AUH: variants seen among roughly 807,000 people sequenced by gnomAD.
The protein encoded by AUH is methylglutaconyl-CoA hydratase, mitochondrial.
A neutral mutation model predicts 42.3 loss-of-function variants in AUH; 29 were observed. The observed-to-expected ratio is 0.69, with a 90% CI of 0.51 to 0.93. The LOEUF is 0.93. AUH is among the 40% of genes least tolerant of loss of function. The pLI is 0.00. For missense variants in AUH, 452 were observed against 438.1 expected (o/e 1.03, Z -0.28); for synonymous variants, 174 against 166.4 (o/e 1.05, Z -0.35).
At chr9:91,361,578 G>A (rs917756843) in intron 1 of AUH, 50 bp downstream of exon 1, 5 of 1,550,908 alleles carry the variant, frequency 3.2e-6, no homozygotes, top group African/African-American at 2.8e-5. Context: ...CCCGTCCTGA[G>A]AGCGAGCGGC....
chr9:91,334,195 G>A (rs369752563), intron 3 of AUH, among the ~76,000 whole-genome samples: 2 of 152,134 alleles, frequency 1.3e-5, no homozygotes, highest in African/African-American at 2.4e-5. Context: ...TCCAGTACAC[G>A]GCATTGTCAT....
intron 6 of AUH, among the ~76,000 whole-genome samples, chr9:91,274,347 C>CA (rs1825384287): frequency 2.6e-5 from 4 of 152,300 alleles, no homozygotes; most frequent in African/African-American, 9.6e-5. Context: ...TACTGGCACT[C>CA]AGAGTGTTAT....
chr9:91,343,895 C>T (rs1831290351), intron 3 of AUH, among the ~76,000 whole-genome samples: 1 of 152,166 alleles, frequency 6.6e-6, no homozygotes, highest in African/African-American at 2.4e-5. Flanking sequence ...CCAAAACTCA[C>T]TCAAAAAGAA....
At chr9:91,276,772 C>G (rs1186309512) in intron 6 of AUH, among the ~76,000 whole-genome samples, 1 of 152,132 alleles carries the variant, frequency 6.6e-6, no homozygotes, top group Non-Finnish European at 1.5e-5. Context: ...TGGCAAGACT[C>G]AAGAACAATA....
chr9:91,333,735 G>C (rs569785537), intron 3 of AUH, among the ~76,000 whole-genome samples: 7 of 152,142 alleles, frequency 4.6e-5, no homozygotes, highest in Non-Finnish European at 7.4e-5. Context: ...AAATCACATC[G>C]TAATCAAGAA....
chr9:91,264,961 G>C (rs898609481), intron 6 of AUH, among the ~76,000 whole-genome samples: 1 of 152,146 alleles, frequency 6.6e-6, no homozygotes, highest in Non-Finnish European at 1.5e-5. Context: ...TGTTGCTGAT[G>C]AAACAACTGA....
chr9:91,325,384 C>A lies in AUH; in HGVS notation c.439G>T (p.Ala147Ser). The A allele has an allele frequency of 6.2e-7, 1 of 1,613,856 alleles. No homozygotes were observed. The highest frequency in any genetic ancestry group is 8.5e-7 in the Non-Finnish European group (1 of 1,179,856). The change falls in exon 4 of 10, where the codon GCC (alanine) becomes TCC (serine). Residue 147 changes from alanine (A) to serine (S), a missense_variant. Physicochemically the swap from Ala to Ser is moderately conservative, Grantham distance 99 (BLOSUM62 1). Coordinates refer to ENST00000375731, the MANE Select transcript of AUH (RefSeq NM_001698.3). The stretch of plus-strand genomic sequence containing the variant: ...CCAACTTCACTGGAACTCATTTTGG[C>A]TCTTTCCTTAAGGTCAGCACCTGCA... ...FCAGADLKER[A>S]KMSSSEVGPF...
rs543843753 is a variant in AUH, at chr9:91,333,921, G to A, written c.419-8517C>T. Among the ~76,000 whole-genome samples, 6 of 152,242 alleles carry A rather than the reference G, an allele frequency of 3.9e-5. No homozygotes were observed. In the South Asian group the frequency reaches 1.2e-3, roughly 32 times the overall value. ...CCCCTCCCTGTAGCAACAAAGCAAA[G>A]ATCAGGAATAACTTTCCATTGTGGA... On this transcript the variant is annotated intron_variant, in intron 3 of 9. Coordinates refer to ENST00000375731, the MANE Select transcript of AUH (RefSeq NM_001698.3).
chr9:91,225,283 G>A (rs1827374725), intron 6 of AUH, among the ~76,000 whole-genome samples: 1 of 152,176 alleles, frequency 6.6e-6, no homozygotes, highest in Non-Finnish European at 1.5e-5. Flanking sequence ...TCCCTAGTTA[G>A]CATGCCATGC....
intron 1 of AUH, chr9:91,357,591 G>T: frequency 1.3e-6 from 1 of 748,678 alleles, no homozygotes; most frequent in Non-Finnish European, 1.6e-6. Flanking sequence ...CATTCAAACT[G>T]CTTTACAAGC....
intron 4 of AUH, among the ~76,000 whole-genome samples, chr9:91,308,172 A>G (rs1274804763): frequency 1.3e-5 from 2 of 152,178 alleles, no homozygotes; most frequent in African/African-American, 4.8e-5. Flanking sequence ...TACCAAACAC[A>G]TCAATATATT....
chr9:91,313,427 C>T (rs992069943), intron 4 of AUH, among the ~76,000 whole-genome samples: 3 of 152,084 alleles, frequency 2.0e-5, no homozygotes, highest in Non-Finnish European at 2.9e-5. Context: ...CAAACTTGGC[C>T]GGGCGCGGTG....
intron 6 of AUH, among the ~76,000 whole-genome samples, chr9:91,277,589 G>C (rs1825644807): frequency 6.6e-6 from 1 of 152,062 alleles, no homozygotes; most frequent in Non-Finnish European, 1.5e-5. Flanking sequence ...AAAAATCTAT[G>C]TATGTATGTA....
intron 6 of AUH, among the ~76,000 whole-genome samples, chr9:91,224,204 T>TC (rs1827298991): frequency 6.6e-6 from 1 of 152,204 alleles, no homozygotes; most frequent in African/African-American, 2.4e-5. Context: ...TTGTGAGTAG[T>TC]CATGCTGAGC....
At chr9:91,256,980 T>A (rs189308112) in intron 6 of AUH, among the ~76,000 whole-genome samples, 73 of 152,232 alleles carry the variant, frequency 4.8e-4, no homozygotes, top group Non-Finnish European at 7.8e-4. Context: ...CCCAAACTTG[T>A]AGGTATTCTT....
intron 6 of AUH, among the ~76,000 whole-genome samples, chr9:91,223,803 G>A (rs1827274865): frequency 6.6e-6 from 1 of 152,030 alleles, no homozygotes; most frequent in Admixed American, 6.6e-5. Flanking sequence ...TAGTCCCATA[G>A]ACAGTTCTTT....
At chr9:91,329,618 T>C (rs1830189388) in intron 3 of AUH, among the ~76,000 whole-genome samples, 1 of 152,210 alleles carries the variant, frequency 6.6e-6, no homozygotes, top group South Asian at 2.1e-4. Flanking sequence ...TATTGAGTTG[T>C]AAGTTATAAC....
At chr9:91,287,925 T>C (rs916189784) in intron 6 of AUH, among the ~76,000 whole-genome samples, 1 of 152,042 alleles carries the variant, frequency 6.6e-6, no homozygotes, top group Admixed American at 6.6e-5. Flanking sequence ...AATGTTTCTA[T>C]GAGAAAGAAG....
At chr9:91,298,907 A>T (rs1403893158) in intron 4 of AUH, among the ~76,000 whole-genome samples, 1 of 152,206 alleles carries the variant, frequency 6.6e-6, no homozygotes, top group Non-Finnish European at 1.5e-5. Flanking sequence ...TTAATATATA[A>T]CAGAAAGTGG....
Sources: allele counts gnomAD v4.1 joint callset (sites outside exome capture counted in the v4.1 genomes callset), GRCh38; gene constraint gnomAD v4.1.1; transcripts MANE v1.5; gene names NCBI Gene and HGNC (gene_info 2026-07-23, HGNC 2026-07-21).